DYM: variants seen among roughly 807,000 people sequenced by gnomAD.
DYM encodes dymeclin, also known as dyggve-Melchior-Clausen syndrome protein.
Under a neutral mutation model 93.1 loss-of-function variants are expected in DYM, and 78 were observed. The ratio of observed to expected loss-of-function variants is 0.84; its 90% CI spans 0.70 to 1.01. DYM has a LOEUF of 1.01. Among genes scored for constraint, DYM ranks in the 50% least tolerant of loss-of-function variants. DYM has a pLI of 0.00. For synonymous variants in DYM, 321 were observed against 319.7 expected (o/e 1.00, Z -0.04); for missense variants, 789 against 845.0 (o/e 0.93, Z 0.82).
chr18:49,428,366 T>C (rs1377330694), intron 2 of DYM, among the ~76,000 whole-genome samples: 1 of 152,086 alleles, frequency 6.6e-6, no homozygotes, highest in African/African-American at 2.4e-5. Flanking sequence ...ATGAAACGTC[T>C]AGAAGAGGCA....
chr18:49,435,207 CAAAAAA>C (rs150003482), intron 1 of DYM, among the ~76,000 whole-genome samples: 7 of 88,754 alleles, frequency 7.9e-5, no homozygotes, highest in East Asian at 2.9e-4. Flanking sequence ...GACTCCATCT[CAAAAAA>C]AAAAAAAAAA....
intron 17 of DYM, among the ~76,000 whole-genome samples, chr18:49,066,331 G>A (rs1249755932): frequency 1.3e-5 from 2 of 151,910 alleles, no homozygotes; most frequent in African/African-American, 4.8e-5. Flanking sequence ...CCCTCTCGGC[G>A]AGTTCTATCT....
chr18:49,298,989 G>C (rs1376598185), intron 8 of DYM, among the ~76,000 whole-genome samples: 7 of 152,162 alleles, frequency 4.6e-5, no homozygotes. Flanking sequence ...AATTAACTAT[G>C]ATCCATGAAA....
intron 17 of DYM, among the ~76,000 whole-genome samples, chr18:49,075,062 A>C (rs2077189082): frequency 6.6e-6 from 1 of 152,198 alleles, no homozygotes; most frequent in Non-Finnish European, 1.5e-5. Flanking sequence ...CATCAACCCC[A>C]GAATCAGGAG....
At chr18:49,233,293 AG>A (rs1410097015) in intron 13 of DYM, among the ~76,000 whole-genome samples, 1 of 150,874 alleles carries the variant, frequency 6.6e-6, no homozygotes, top group Non-Finnish European at 1.5e-5. Context: ...CAGGAGGGAG[AG>A]GCTTCAGTGA....
intron 8 of DYM, among the ~76,000 whole-genome samples, chr18:49,298,735 A>G (rs1032954560): frequency 6.6e-6 from 1 of 152,208 alleles, no homozygotes; most frequent in African/African-American, 2.4e-5. Flanking sequence ...ATATTTCAGT[A>G]ATTATGAAGA....
chr18:49,067,377 G>A (rs1599486559), intron 17 of DYM, among the ~76,000 whole-genome samples: 3 of 152,064 alleles, frequency 2.0e-5, no homozygotes, highest in African/African-American at 4.8e-5. Flanking sequence ...TGTTATGGAG[G>A]TTCAGTAGGG....
At chr18:49,174,088 C>T (rs2089088685) in intron 14 of DYM, among the ~76,000 whole-genome samples, 1 of 152,012 alleles carries the variant, frequency 6.6e-6, no homozygotes, top group Non-Finnish European at 1.5e-5. Context: ...TTGTCAAATG[C>T]TTTTTCTGTA....
At chr18:49,386,428 T>C (rs546162333) in intron 3 of DYM, among the ~76,000 whole-genome samples, 1 of 152,184 alleles carries the variant, frequency 6.6e-6, no homozygotes, top group African/African-American at 2.4e-5. Context: ...GTCATATTAA[T>C]AGCATGTCCC....
chr18:49,080,507 A>T (rs1474057864), intron 17 of DYM, among the ~76,000 whole-genome samples: 6 of 125,766 alleles, frequency 4.8e-5, no homozygotes, highest in South Asian at 2.7e-4. Flanking sequence ...CTGGCCGGGC[A>T]GAGGGGCTCC....
intron 8 of DYM, among the ~76,000 whole-genome samples, chr18:49,327,483 A>C (rs1290426990): frequency 6.6e-6 from 1 of 151,950 alleles, no homozygotes; most frequent in Non-Finnish European, 1.5e-5. Context: ...CAGACTCCTA[A>C]GTAGCGGGGT....
intron 1 of DYM, among the ~76,000 whole-genome samples, chr18:49,441,596 C>T (rs993578544): frequency 3.3e-5 from 5 of 150,710 alleles, no homozygotes; most frequent in East Asian, 2.0e-4. Flanking sequence ...CCCAATGAAA[C>T]GAAAGCAATG....
chr18:49,063,303 TTTTC>T (rs895523954), intron 17 of DYM, among the ~76,000 whole-genome samples: 1 of 145,200 alleles, frequency 6.9e-6, no homozygotes, highest in African/African-American at 2.7e-5. Context: ...GCCAGATTTC[TTTTC>T]TTTTTTTTTT....
intron 17 of DYM, among the ~76,000 whole-genome samples, chr18:49,095,524 G>C (rs1055494977): frequency 3.3e-5 from 5 of 150,978 alleles, no homozygotes; most frequent in Non-Finnish European, 7.4e-5. Context: ...GAGTTGGCAA[G>C]CTGAGGTCAG....
chr18:49,171,374 C>G (rs772894022), intron 14 of DYM, among the ~76,000 whole-genome samples: 1 of 152,060 alleles, frequency 6.6e-6, no homozygotes, highest in Non-Finnish European at 1.5e-5. Context: ...TCAGTCCTTC[C>G]TCTAACACAC....
intron 8 of DYM, among the ~76,000 whole-genome samples, chr18:49,316,363 T>C (rs554697030): frequency 2.9e-4 from 44 of 152,318 alleles, no homozygotes; most frequent in Admixed American, 6.5e-4. Context: ...AAAGGGAATG[T>C]AAGTTTTCAC....
At chr18:49,378,073 A>C (rs2067682839) in intron 5 of DYM, among the ~76,000 whole-genome samples, 1 of 152,254 alleles carries the variant, frequency 6.6e-6, no homozygotes, top group African/African-American at 2.4e-5. Context: ...CTTTGGCATC[A>C]TAAAACTGTC....
intron 14 of DYM, among the ~76,000 whole-genome samples, chr18:49,198,645 C>A (rs1440052768): frequency 6.6e-6 from 1 of 150,420 alleles, no homozygotes; most frequent in Non-Finnish European, 1.5e-5. Flanking sequence ...CATCACTGGC[C>A]ATCAGAGAAA....
At chr18:49,239,273 T>C (rs1205164009) in intron 13 of DYM, among the ~76,000 whole-genome samples, 2 of 152,202 alleles carry the variant, frequency 1.3e-5, no homozygotes, top group African/African-American at 4.8e-5. Context: ...TTTGAATGGA[T>C]TCAGCTTAAA....
Sources: allele counts gnomAD v4.1 joint callset (sites outside exome capture counted in the v4.1 genomes callset), GRCh38; gene constraint gnomAD v4.1.1; transcripts MANE v1.5; gene names NCBI Gene and HGNC (gene_info 2026-07-23, HGNC 2026-07-21).